POLN: variants seen among roughly 807,000 people sequenced by gnomAD.
The protein encoded by POLN is DNA polymerase nu.
Under a neutral mutation model 113.5 loss-of-function variants are expected in POLN, and 108 were observed. The ratio of observed to expected loss-of-function variants is 0.95; its 90% CI spans 0.81 to 1.12. The LOEUF (loss-of-function observed/expected upper bound fraction) is 1.12, where lower values mean the gene tolerates loss of function less well. POLN is among the 50% of genes most tolerant of loss of function. The pLI, the probability that POLN is intolerant of heterozygous loss-of-function variation, is 0.00. For synonymous variants in POLN, 386 were observed against 391.5 expected, an observed-to-expected ratio of 0.99 and a Z score of 0.17; for missense variants, 1,097 against 1,077.1, an observed-to-expected ratio of 1.02 and a Z score of -0.26.
intron 9 of POLN, 77 bp downstream of exon 9, chr4:2,176,189 C>G (rs1279917247): frequency 1.7e-6 from 2 of 1,186,724 alleles, no homozygotes; most frequent in African/African-American, 3.1e-5. Context: ...ATTCAAACTC[C>G]CTGGGAGTGC....
intron 2 of POLN, chr4:2,240,274 C>T (rs1478830249): frequency 6.2e-7 from 1 of 1,613,374 alleles, no homozygotes; most frequent in South Asian, 1.1e-5. Flanking sequence ...TCATGTATAC[C>T]CTGAAAGAAC....
chr4:2,092,591 T>A (rs1375370532), intron 20 of POLN, among the ~76,000 whole-genome samples: 1 of 152,212 alleles, frequency 6.6e-6, no homozygotes, highest in Non-Finnish European at 1.5e-5. Context: ...TTCTGGGGCA[T>A]CTCCCCTGCC....
At chr4:2,162,953 G>T (rs755311764) in intron 13 of POLN, among the ~76,000 whole-genome samples, 1 of 136,680 alleles carries the variant, frequency 7.3e-6, no homozygotes, top group Non-Finnish European at 1.5e-5. Context: ...GATCCCCCGC[G>T]CCCAGATTAT....
chr4:2,077,106 G>T (rs902951957), intron 23 of POLN: 12 of 152,186 alleles, frequency 7.9e-5, no homozygotes, highest in African/African-American at 2.7e-4. Context: ...GACTGTAAAG[G>T]GCTGCCAGGG....
Position 2,129,239 on chromosome 4 carries a change from G to T in POLN, c.1807C>A (p.Leu603Ile), listed in dbSNP as rs762219033. The T allele has an allele frequency of 1.3e-6, 2 of 1,594,772 alleles. No homozygotes were observed. Among genetic ancestry groups the T allele is most frequent in the Non-Finnish European group, 8.6e-7 (1 of 1,162,616 alleles). ...KNFKGKEDKILTISPRAMFVS... is the reference protein window; with the variant it reads ...KNFKGKEDKIITISPRAMFVS... ...AACATGGCCCTCGGGGAGATCGTGAGAATCTTGTCTTCTTTACCTGAATTG... is the reference window on the plus strand; with the variant it reads ...AACATGGCCCTCGGGGAGATCGTGATAATCTTGTCTTCTTTACCTGAATTG... Residue 603 changes from leucine (L) to isoleucine (I), a missense_variant, in exon 18 of 26, where the codon CTC becomes ATC. Coordinates refer to ENST00000511885, the MANE Select transcript of POLN (RefSeq NM_181808.4).
In POLN at chr4:2,128,668, C is replaced by T. The variant is rs563377314; in HGVS notation, c.1868-441G>A. ...CGCAGCGAGCAGGGCAGACAAAGCA[C>T]GGGGGCAGGGCCAAAGGTATCTGGG... On this transcript the variant is annotated intron_variant, in intron 18 of 25. Coordinates refer to ENST00000511885, the MANE Select transcript of POLN (RefSeq NM_181808.4). Among the ~76,000 whole-genome samples the T allele has an allele frequency of 1.4e-4, 6 of 42,842 alleles. No individual in the cohort carries two copies. In the South Asian group the frequency reaches 2.0e-3, roughly 14 times the overall value. The allele number at this position is 42,842 out of a possible 152,430, so 28.1% of individuals were successfully genotyped here.
chr4:2,206,172 T>C (rs547296268), intron 5 of POLN, among the ~76,000 whole-genome samples: 6 of 152,248 alleles, frequency 3.9e-5, no homozygotes, highest in Admixed American at 2.6e-4. Context: ...ATTCAACAAA[T>C]GGTGCTGAGA....
chr4:2,138,381 T>A (rs575214974), intron 16 of POLN, among the ~76,000 whole-genome samples: 351 of 152,258 alleles, frequency 2.3e-3, no homozygotes, highest in Middle Eastern at 0.01. Context: ...TGGGCTTGCA[T>A]TTCTGACTCT....
At chr4:2,112,080 T>C (rs1313322897) in intron 19 of POLN, among the ~76,000 whole-genome samples, 16 of 151,376 alleles carry the variant, frequency 1.1e-4, no homozygotes, top group African/African-American at 2.9e-4. Flanking sequence ...GAAATAATGC[T>C]GCATATCTAC....
At chr4:2,179,670 G>T (rs971890122) in intron 7 of POLN, among the ~76,000 whole-genome samples, 1 of 152,076 alleles carries the variant, frequency 6.6e-6, no homozygotes, top group Non-Finnish European at 1.5e-5. Flanking sequence ...GTCCCACATG[G>T]CCCGTCTCTG....
At chr4:2,094,816 T>C (rs1730747294) in intron 20 of POLN, among the ~76,000 whole-genome samples, 1 of 152,196 alleles carries the variant, frequency 6.6e-6, no homozygotes, top group African/African-American at 2.4e-5. Context: ...CAATGGAGAC[T>C]GTAGGGCAGC....
chr4:2,100,376 G>C (rs1730894672), intron 19 of POLN, among the ~76,000 whole-genome samples: 1 of 152,086 alleles, frequency 6.6e-6, no homozygotes, highest in Non-Finnish European at 1.5e-5. Flanking sequence ...TACAATAAAA[G>C]AAAAGGACCA....
intron 19 of POLN, among the ~76,000 whole-genome samples, chr4:2,124,162 T>C (rs1374630256): frequency 6.6e-6 from 1 of 152,060 alleles, no homozygotes; most frequent in Non-Finnish European, 1.5e-5. Context: ...AGACAGAAAG[T>C]AGATGAGTGG....
intron 5 of POLN, among the ~76,000 whole-genome samples, chr4:2,204,640 G>C (rs186439439): frequency 3.3e-4 from 50 of 152,194 alleles, no homozygotes; most frequent in African/African-American, 1.2e-3. Flanking sequence ...ACCACCAAAA[G>C]AGAAAACTAC....
chr4:2,162,537 A>G (rs1158693689), intron 13 of POLN, among the ~76,000 whole-genome samples: 1 of 152,170 alleles, frequency 6.6e-6, no homozygotes, highest in Non-Finnish European at 1.5e-5. Context: ...GCTCACTGCA[A>G]CCTCCACCTC....
At chr4:2,125,286 C>CT (rs1168913403) in intron 19 of POLN, among the ~76,000 whole-genome samples, 3 of 152,170 alleles carry the variant, frequency 2.0e-5, no homozygotes, top group African/African-American at 7.2e-5. Flanking sequence ...AAGCTCCCTC[C>CT]TTTGAGACAG....
intron 23 of POLN, chr4:2,080,085 G>T (rs1228390049): frequency 4.0e-5 from 39 of 985,382 alleles, no homozygotes; most frequent in Non-Finnish European, 4.6e-5. Context: ...CAGAGGGCGA[G>T]GGGCCCTTCG....
chr4:2,201,275 T>C (rs1202731647), intron 5 of POLN, among the ~76,000 whole-genome samples: 1 of 3,418 alleles, frequency 2.9e-4, no homozygotes, highest in African/African-American at 4.3e-3. Context: ...CCCCTACCAC[T>C]CCAAAAAAAA....
intron 20 of POLN, among the ~76,000 whole-genome samples, chr4:2,091,800 T>TGTGTGTGTGTGTGCGC (rs577896956): frequency 9.0e-5 from 13 of 144,960 alleles, no homozygotes; most frequent in African/African-American, 3.0e-4. Context: ...TGTGTGTGTG[T>TGTGTGTGTGTGTGCGC]GCGCGCGCTA....
Sources: allele counts gnomAD v4.1 joint callset (sites outside exome capture counted in the v4.1 genomes callset), GRCh38; gene constraint gnomAD v4.1.1; transcripts MANE v1.5; gene names NCBI Gene and HGNC (gene_info 2026-07-23, HGNC 2026-07-21).